RORA: variants seen among roughly 807,000 people sequenced by gnomAD.
RORA encodes RAR related orphan receptor A, also known as nuclear receptor ROR-alpha.
Under a neutral mutation model 69.5 loss-of-function variants are expected in RORA, and 7 were observed. That is an observed-to-expected ratio of 0.10 (90% CI 0.06 to 0.19). RORA has a LOEUF of 0.19. RORA is among the 10% of genes least tolerant of loss of function. The probability of loss-of-function intolerance (pLI) is 1.00; values close to 1 mark genes in which losing one functional copy is unlikely to be tolerated. For missense variants in RORA, 457 were observed against 663.0 expected, an observed-to-expected ratio of 0.69 and a Z score of 3.41; for synonymous variants, 261 against 240.8, an observed-to-expected ratio of 1.08 and a Z score of -0.78.
chr15:60,534,349 G>A lies in RORA; in HGVS notation c.197-2498C>T, dbSNP rs1411410663. 1.3e-5 allele frequency among the ~76,000 whole-genome samples: 2 copies of A among 152,190 alleles called. No individual in the cohort carries two copies. The highest frequency in any genetic ancestry group is 3.9e-4 in the East Asian group (2 of 5,192). On this transcript the variant is annotated intron_variant, in intron 2 of 10. Coordinates refer to ENST00000335670, the MANE Select transcript of RORA (RefSeq NM_134261.3). The surrounding 1 kb of genome is among the most constrained non-coding windows in gnomAD (Gnocchi z 5.0). ...CAGAGTTTGGTGCCACTGTGACACA[G>A]GACTGATGGCCTGAGTCAGGCTTCA...
intron 1 of RORA, among the ~76,000 whole-genome samples, chr15:60,766,996 C>A (rs2072001668): frequency 6.6e-6 from 1 of 152,222 alleles, no homozygotes; most frequent in Admixed American, 6.5e-5. Flanking sequence ...AACTGGCAGC[C>A]CACAGGTTGT....
At chr15:60,590,252 C>CT (rs2068461102) in intron 2 of RORA, among the ~76,000 whole-genome samples, 2 of 151,320 alleles carry the variant, frequency 1.3e-5, no homozygotes, top group Non-Finnish European at 2.9e-5. Context: ...TTCTGAGGCA[C>CT]TTTTTTCAAA....
At chr15:60,623,220 G>T (rs2069467473) in intron 2 of RORA, among the ~76,000 whole-genome samples, 1 of 152,204 alleles carries the variant, frequency 6.6e-6, no homozygotes, top group Admixed American at 6.5e-5. Flanking sequence ...AAAGAGGAGG[G>T]CCCAAAAGAT....
chr15:61,000,000 G>T (rs1422788216), intron 1 of RORA, among the ~76,000 whole-genome samples: 1 of 152,120 alleles, frequency 6.6e-6, no homozygotes, highest in Non-Finnish European at 1.5e-5. Context: ...AAGATTGCAA[G>T]GGGGACTTCC....
chr15:60,631,128 G>A (rs2069728142), intron 2 of RORA, among the ~76,000 whole-genome samples: 1 of 152,070 alleles, frequency 6.6e-6, no homozygotes, highest in Non-Finnish European at 1.5e-5. Context: ...GACCTCAGGT[G>A]ATCCACCCGC....
At chr15:61,058,659 T>C (rs909318823) in intron 1 of RORA, among the ~76,000 whole-genome samples, 1 of 152,194 alleles carries the variant, frequency 6.6e-6, no homozygotes, top group Non-Finnish European at 1.5e-5. Context: ...AGAAGAATGA[T>C]GCCAGTGTTC....
In RORA at chr15:60,612,641, A is replaced by ATC. The variant is rs1165309783; in HGVS notation, c.196+66014_196+66015dup. On this transcript the variant is annotated intron_variant, in intron 2 of 10. Transcript: ENST00000335670. Reference sequence around the variant, plus strand: ...CCGAGACACCTCTGTACCTAGAAGAATCTCTCTCTCTCTCTCTCTGTTTTT... The same window carrying ATC: ...CCGAGACACCTCTGTACCTAGAAGAATCTCTCTCTCTCTCTCTCTCTGTTTTT... Among the ~76,000 whole-genome samples, 438 of 143,638 alleles carry ATC rather than the reference A, an allele frequency of 3.0e-3. 1 individual carries two copies. The highest frequency in any genetic ancestry group is 7.4e-3 in the African/African-American group (284 of 38,404). 94.2% of individuals were successfully genotyped at this position (143,638 alleles called of 152,430 possible).
rs1290506289 is a variant in RORA, at chr15:60,503,578, A to G, written c.1032T>C (p.Phe344=). 6.2e-7 allele frequency: 1 copy of G among 1,614,060 alleles called. No individual in the cohort carries two copies. The highest frequency in any genetic ancestry group is 1.3e-5 in the African/African-American group (1 of 74,930). The change falls in exon 7 of 11, where the codon TTT becomes TTC. Residue 344 remains phenylalanine (F), a synonymous_variant. Coordinates refer to ENST00000335670, the MANE Select transcript of RORA (RefSeq NM_134261.3). ...TTTGATCATTTTGACACAGTTCCAT[A>G]AATCCATCAATGCGTTTGGCAAACT... The part of the protein sequence containing the change: ...VVEFAKRIDG[F]MELCQNDQIV...
chr15:60,871,317 C>A (rs1466787848), intron 1 of RORA, among the ~76,000 whole-genome samples: 1 of 152,160 alleles, frequency 6.6e-6, no homozygotes. Context: ...TGGTAACCTT[C>A]CTGTTAAATT....
At chr15:60,559,690 G>A (rs879669595) in intron 2 of RORA, among the ~76,000 whole-genome samples, 26 of 152,300 alleles carry the variant, frequency 1.7e-4, no homozygotes, top group African/African-American at 3.1e-4. Flanking sequence ...GAAAGATGTC[G>A]TGCAAGGAAT....
chr15:60,887,855 C>T (rs1161224135), intron 1 of RORA, among the ~76,000 whole-genome samples: 1 of 152,194 alleles, frequency 6.6e-6, no homozygotes, highest in African/African-American at 2.4e-5. Context: ...TTTTGTTCCA[C>T]GTAAGACCAA....
chr15:60,900,471 T>C (rs2140467022), intron 1 of RORA, among the ~76,000 whole-genome samples: 1 of 152,366 alleles, frequency 6.6e-6, no homozygotes, highest in Non-Finnish European at 1.5e-5. Context: ...AGGCTGAATA[T>C]GCCTCAGAGT....
chr15:61,148,678 C>T (rs1238116429), intron 1 of RORA, among the ~76,000 whole-genome samples: 1 of 152,196 alleles, frequency 6.6e-6, no homozygotes, highest in Non-Finnish European at 1.5e-5. Flanking sequence ...ATGGCCAATT[C>T]ATTCATGTTA....
intron 1 of RORA, among the ~76,000 whole-genome samples, chr15:60,957,220 T>C (rs1046717852): frequency 1.3e-5 from 2 of 152,260 alleles, no homozygotes; most frequent in East Asian, 1.9e-4. Flanking sequence ...ATTATTACAA[T>C]GCACTTATAC....
rs542705831 is a variant in RORA at position 60,688,550 on chromosome 15, C to T, written c.167-9864G>A. 2.4e-4 allele frequency among the ~76,000 whole-genome samples: 36 copies of T among 152,264 alleles called. 1 individual carries two copies. The South Asian group carries it at 7.3e-3, about 31-fold the overall frequency. ...CTGTGACTGTTAGGAGACCCAGTTT[C>T]CTATGGCAAGTACTAATTGCATTAT... On this transcript the variant is annotated intron_variant, in intron 1 of 10. Coordinates refer to ENST00000335670, the MANE Select transcript of RORA (RefSeq NM_134261.3).
chr15:61,098,085 T>TC (rs1258169932), intron 1 of RORA, among the ~76,000 whole-genome samples: 4 of 131,628 alleles, frequency 3.0e-5, no homozygotes, highest in Admixed American at 8.0e-5. Context: ...TCCCTCCTTC[T>TC]CCCCCTCCTT....
At chr15:61,071,132 A>G (rs914141114) in intron 1 of RORA, among the ~76,000 whole-genome samples, 2 of 144,106 alleles carry the variant, frequency 1.4e-5, no homozygotes, top group Non-Finnish European at 3.0e-5. Flanking sequence ...AACCAATATT[A>G]CCAATATGAG....
intron 1 of RORA, among the ~76,000 whole-genome samples, chr15:61,062,674 G>A (rs1430991104): frequency 6.6e-6 from 1 of 152,184 alleles, no homozygotes; most frequent in Non-Finnish European, 1.5e-5. Context: ...ATTAATTTAT[G>A]TATTCAATGT....
At chr15:60,945,485 A>C (rs1182418208) in intron 1 of RORA, among the ~76,000 whole-genome samples, 1 of 152,312 alleles carries the variant, frequency 6.6e-6, no homozygotes, top group East Asian at 1.9e-4. Context: ...TGGAAAGGAT[A>C]AGGCTCTCCA....
Sources: allele counts gnomAD v4.1 joint callset (sites outside exome capture counted in the v4.1 genomes callset), GRCh38; gene constraint gnomAD v4.1.1; non-coding constraint Gnocchi (gnomAD v3.1); transcripts MANE v1.5; gene names NCBI Gene and HGNC (gene_info 2026-07-23, HGNC 2026-07-21).